The following MPDZ variants were observed in gnomAD, a reference collection of about 807,000 sequenced individuals.
MPDZ encodes the protein multiple PDZ domain protein.
MPDZ carries 234 observed loss-of-function variants against 239.1 expected under a neutral mutation model. The ratio of observed to expected loss-of-function variants is 0.98; its 90% CI spans 0.88 to 1.09. The LOEUF (loss-of-function observed/expected upper bound fraction) is 1.09, where lower values mean the gene tolerates loss of function less well. Ranked by LOEUF, MPDZ falls within the 50% of genes least tolerant of loss-of-function variation. MPDZ has a pLI of 0.00. For missense variants in MPDZ, 3,175 were observed against 2,510.0 expected (o/e 1.26, Z -5.66); for synonymous variants, 1,048 against 881.3 (o/e 1.19, Z -3.35).
intron 3 of MPDZ, 71 bp from the exon 4 acceptor site, chr9:13,224,654 G>A (rs1959963072): frequency 3.9e-6 from 4 of 1,018,494 alleles, no homozygotes; most frequent in Non-Finnish European, 4.3e-6. Context: ...TATCCCAAGG[G>A]TACAAGGACA....
At chr9:13,223,980 G>A (rs932119633) in intron 4 of MPDZ, among the ~76,000 whole-genome samples, 8 of 151,940 alleles carry the variant, frequency 5.3e-5, no homozygotes, top group African/African-American at 1.9e-4. Flanking sequence ...ACTGTAGTGA[G>A]CTATGATCAC....
chr9:13,114,763 G>T (rs979766489), intron 40 of MPDZ, among the ~76,000 whole-genome samples: 1 of 151,978 alleles, frequency 6.6e-6, no homozygotes, highest in African/African-American at 2.4e-5. Context: ...AGCCAGGCAT[G>T]GTGGTGCACG....
intron 23 of MPDZ, among the ~76,000 whole-genome samples, chr9:13,158,684 G>A (rs538524174): frequency 6.6e-6 from 1 of 152,146 alleles, no homozygotes; most frequent in Non-Finnish European, 1.5e-5. Context: ...ACTTCTTAAT[G>A]GAAGAAGCAG....
At chr9:13,257,797 G>A (rs1969786706) in intron 1 of MPDZ, among the ~76,000 whole-genome samples, 1 of 152,098 alleles carries the variant, frequency 6.6e-6, no homozygotes, top group Admixed American at 6.6e-5. Context: ...TTGAATTTCA[G>A]GTAAATGAAT....
At chr9:13,143,439 A>G in intron 27 of MPDZ, 27 bp downstream of exon 27, 1 of 1,552,566 alleles carries the variant, frequency 6.4e-7, no homozygotes, top group Non-Finnish European at 8.9e-7. Flanking sequence ...AAGGCAACCA[A>G]CAGCAAGACA....
rs186295150 is a variant in MPDZ at position 13,124,569 on chromosome 9, G to A, written c.4807+647C>T. Among the ~76,000 whole-genome samples, 500 of 152,146 alleles carry A rather than the reference G, an allele frequency of 3.3e-3. 2 individuals are homozygous for A. Among genetic ancestry groups the A allele is most frequent in the African/African-American group, 0.011 (472 of 41,480 alleles). The stretch of plus-strand genomic sequence containing the variant: ...TTCTTTCTCAAAAAGTAACTCAAAG[G>A]AATAATGTACCTCCATATACTAGAC... On this transcript the variant is annotated intron_variant, in intron 35 of 46. Coordinates refer to ENST00000319217, the MANE Select transcript of MPDZ (RefSeq NM_001378778.1).
chr9:13,245,424 A>AAAG lies in MPDZ; in HGVS notation c.183+2208_183+2210dup, dbSNP rs554853528. Among the ~76,000 whole-genome samples the AAAG allele has an allele frequency of 4.5e-3, 682 of 151,528 alleles. 5 individuals carry two copies. Among genetic ancestry groups the AAAG allele is most frequent in the African/African-American group, 0.015 (603 of 41,384 alleles). On this transcript the variant is annotated intron_variant, in intron 3 of 46. Coordinates refer to ENST00000319217, the MANE Select transcript of MPDZ (RefSeq NM_001378778.1). Reference sequence around the variant, plus strand: ...CTTTCTACCTTTGAAAAAAAAAAAAAAAGAAGAAGAAGATGTGAGACAGGC... The same window carrying AAAG: ...CTTTCTACCTTTGAAAAAAAAAAAAAAAGAAGAAGAAGAAGATGTGAGACAGGC...
At chr9:13,121,173 C>CTCT (rs1457182204) in intron 38 of MPDZ, among the ~76,000 whole-genome samples, 1 of 152,168 alleles carries the variant, frequency 6.6e-6, no homozygotes, top group African/African-American at 2.4e-5. Context: ...TGATGGCACG[C>CTCT]TCTTATTCGC....
At chr9:13,140,202 T>G (rs1015303440) in intron 27 of MPDZ, 53 bp from the exon 28 acceptor site, 2 of 1,548,654 alleles carry the variant, frequency 1.3e-6, no homozygotes, top group Admixed American at 4.0e-5. Flanking sequence ...GAAGAAAACT[T>G]CAAGAAGAAG....
chr9:13,157,347 G>A (rs1466486415), intron 24 of MPDZ, among the ~76,000 whole-genome samples: 1 of 152,116 alleles, frequency 6.6e-6, no homozygotes, highest in Non-Finnish European at 1.5e-5. Context: ...TACATTAGAG[G>A]TTCCTTGAGG....
chr9:13,174,630 T>C (rs1204077541), intron 21 of MPDZ, among the ~76,000 whole-genome samples: 2 of 152,186 alleles, frequency 1.3e-5, no homozygotes, highest in Non-Finnish European at 2.9e-5. Flanking sequence ...CCTACAAAAC[T>C]AGTATTTTGA....
intron 28 of MPDZ, among the ~76,000 whole-genome samples, chr9:13,139,455 T>A (rs1456952609): frequency 6.6e-6 from 1 of 152,180 alleles, no homozygotes; most frequent in East Asian, 1.9e-4. Flanking sequence ...TCTAATTGAA[T>A]GTTAGCAACC....
rs545440982 is a variant in MPDZ, at chr9:13,195,281, T to G, written c.1656+840A>C. 9.9e-4 allele frequency among the ~76,000 whole-genome samples: 151 copies of G among 152,122 alleles called. 2 individuals are homozygous for G. Among genetic ancestry groups the G allele is most frequent in the Non-Finnish European group, 1.2e-3 (82 of 67,974 alleles). ...CCAGCCTGGGTGACAGAGCGAGACC[T>G]TGTCTCAAAAAAACAAACAAACAAA... On this transcript the variant is annotated intron_variant, in intron 13 of 46. Transcript: ENST00000319217.
chr9:13,169,983 G>GCATCCTATCCT (rs779254627), intron 21 of MPDZ, among the ~76,000 whole-genome samples: 50 of 152,022 alleles, frequency 3.3e-4, no homozygotes, highest in Non-Finnish European at 6.0e-4. Flanking sequence ...TGTTCCCTTT[G>GCATCCTATCCT]CATCCTATCC....
chr9:13,255,986 C>G (rs1051435156), intron 1 of MPDZ, among the ~76,000 whole-genome samples: 1 of 152,158 alleles, frequency 6.6e-6, no homozygotes, highest in African/African-American at 2.4e-5. Flanking sequence ...GCTGTTTTAT[C>G]TACATTAAAA....
Position 13,153,524 on chromosome 9 carries a change from G to GC in MPDZ, c.3453-2837dup, listed in dbSNP as rs557426491. The stretch of plus-strand genomic sequence containing the variant: ...AGTGGCATGATCATAGTCCACTGCA[G>GC]CCTTGACTTTCAACCTCAATGTCCT... On this transcript the variant is annotated intron_variant, in intron 24 of 46. Coordinates refer to ENST00000319217, the MANE Select transcript of MPDZ (RefSeq NM_001378778.1). 5.8e-4 allele frequency among the ~76,000 whole-genome samples: 88 copies of GC among 152,124 alleles called. 1 individual carries two copies. Among genetic ancestry groups the GC allele is most frequent in the African/African-American group, 2.0e-3 (84 of 41,508 alleles).
chr9:13,126,772 C>T lies in MPDZ; in HGVS notation c.4465G>A (p.Asp1489Asn), dbSNP rs201889446. 6.2e-6 allele frequency: 10 copies of T among 1,613,364 alleles called. No homozygotes were observed. The highest frequency in any genetic ancestry group is 8.5e-6 in the Non-Finnish European group (10 of 1,179,436). The change falls in exon 33 of 47, where the codon GAT becomes AAT. Residue 1489 changes from aspartate to asparagine, a missense_variant and splice_region_variant. By Grantham distance (23) the Asp-to-Asn change is conservative (BLOSUM62 1). Transcript: ENST00000319217. ...ATAGCAATACCCAAACCCCCCTGAT[C>T]CTAGAAAAGTAAAAACAAAAATGCT... The part of the protein sequence containing the change: ...KNVQHLELPK[D>N]QGGLGIAISE...
chr9:13,141,101 A>AG (rs1229527073), intron 27 of MPDZ, among the ~76,000 whole-genome samples: 1 of 151,870 alleles, frequency 6.6e-6, no homozygotes, highest in African/African-American at 2.4e-5. Flanking sequence ...TATTTCGAAA[A>AG]AAAAAAAAAA....
In MPDZ at chr9:13,150,565, T is replaced by C. The variant is rs1949027615; in HGVS notation, c.3576A>G (p.Glu1192=). 6.4e-7 allele frequency: 1 copy of C among 1,572,288 alleles called. No individual in the cohort carries two copies. The change falls in exon 25 of 47, where the codon GAA becomes GAG. Residue 1192 remains glutamate (E), a synonymous_variant. Coordinates refer to ENST00000319217, the MANE Select transcript of MPDZ (RefSeq NM_001378778.1). ...TTCCATTTTTGCCAGCTGGACTATC[T>C]TCCAGAACATGTTTGATGAAAATGC... ...MRGIFIKHVL[E]DSPAGKNGTL...
Sources: gnomAD v4.1 joint callset for allele counts (sites outside exome capture counted in the v4.1 genomes callset) on GRCh38, gnomAD v4.1.1 for gene constraint, MANE v1.5 for transcripts, NCBI Gene and HGNC (gene_info 2026-07-23, HGNC 2026-07-21) for gene names.